AMOTL1: variants seen among roughly 807,000 people sequenced by gnomAD.
AMOTL1 encodes angiomotin like 1.
In AMOTL1, 45 loss-of-function variants were observed where a neutral mutation model predicts 102.9. That is an observed-to-expected ratio of 0.44 (90% CI 0.34 to 0.56). The LOEUF is 0.56. AMOTL1 is among the 20% of genes least tolerant of loss of function. The pLI, the probability that AMOTL1 is intolerant of heterozygous loss-of-function variation, is 0.01. For synonymous variants in AMOTL1, 481 were observed against 484.7 expected, an observed-to-expected ratio of 0.99 and a Z score of 0.10; for missense variants, 1,114 against 1,225.6, an observed-to-expected ratio of 0.91 and a Z score of 1.36.
At position 94,869,378 on chromosome 11, in the gene AMOTL1, T is replaced by C. The variant is rs776515471; in HGVS notation, c.2669T>C (p.Met890Thr). ...DKSAELFWPS[M>T]ASLPSRGRLS... ...AGTGCCGAGCTCTTCTGGCCCAGCA[T>C]GGCCTCCCTTCCCAGCCGCGGCCGG... Residue 890 changes from methionine to threonine, a missense_variant, in exon 12 of 13, where the codon ATG becomes ACG. Coordinates refer to ENST00000433060, the MANE Select transcript of AMOTL1 (RefSeq NM_130847.3). 1.9e-6 allele frequency: 3 copies of C among 1,608,422 alleles called. No homozygotes were observed. In the Admixed American group the frequency reaches 5.1e-5, roughly 27 times the overall value.
intron 1 of AMOTL1, among the ~76,000 whole-genome samples, chr11:94,787,472 G>A (rs999580026): frequency 8.6e-5 from 13 of 151,780 alleles, no homozygotes; most frequent in Non-Finnish European, 1.9e-4. Context: ...GGCGGATCAC[G>A]AGGTCAGGAG....
At chr11:94,825,138 A>T (rs1034312979) in intron 4 of AMOTL1, among the ~76,000 whole-genome samples, 1 of 152,026 alleles carries the variant, frequency 6.6e-6, no homozygotes, top group Non-Finnish European at 1.5e-5. Flanking sequence ...TTAATTAATG[A>T]TGGAGTTTCT....
chr11:94,746,616 C>G (rs940140589), intron 3 of AMOTL1, among the ~76,000 whole-genome samples: 1 of 152,166 alleles, frequency 6.6e-6, no homozygotes, highest in Non-Finnish European at 1.5e-5. Flanking sequence ...ACCCTAATCC[C>G]ATGTGTCATG....
rs1317488856 is a variant in AMOTL1 at position 94,799,151 on chromosome 11, G to A, written c.200-239G>A. ...GGAGATTAGAGAAAAGGGAGGGGTTGAAGGATGGAACAATGTTTAAGAGGA... is the reference window on the plus strand; with the variant it reads ...GGAGATTAGAGAAAAGGGAGGGGTTAAAGGATGGAACAATGTTTAAGAGGA... On this transcript the variant is annotated intron_variant, in intron 2 of 12. Coordinates refer to ENST00000433060, the MANE Select transcript of AMOTL1 (RefSeq NM_130847.3). The surrounding 1 kb of genome is among the most constrained non-coding windows in gnomAD (Gnocchi z 4.5). Among the ~76,000 whole-genome samples, 1 of 152,058 alleles carries A rather than the reference G, an allele frequency of 6.6e-6. No homozygotes were observed. The highest frequency in any genetic ancestry group is 6.5e-5 in the Admixed American group (1 of 15,272).
intron 3 of AMOTL1, among the ~76,000 whole-genome samples, chr11:94,815,817 T>G (rs1440074383): frequency 6.6e-6 from 1 of 152,054 alleles, no homozygotes; most frequent in African/African-American, 2.4e-5. Context: ...TATGGTAAAT[T>G]TTTTTCCTAG....
intron 1 of AMOTL1, among the ~76,000 whole-genome samples, chr11:94,727,029 G>C (rs192440640): frequency 2.0e-5 from 3 of 152,144 alleles, no homozygotes; most frequent in Admixed American, 2.0e-4. Context: ...ATGGATGTGA[G>C]AGCCTAACCT....
intron 3 of AMOTL1, among the ~76,000 whole-genome samples, chr11:94,756,794 T>C (rs1950730809): frequency 1.3e-5 from 2 of 152,200 alleles, no homozygotes; most frequent in South Asian, 2.1e-4. Flanking sequence ...GCTTTCTAGC[T>C]GAGAAACATT....
chr11:94,769,329 G>T (rs961219499), intron 1 of AMOTL1, among the ~76,000 whole-genome samples: 2 of 152,202 alleles, frequency 1.3e-5, no homozygotes, highest in Non-Finnish European at 2.9e-5. Context: ...CGAGCGGAAC[G>T]GTGGCCTAGT....
chr11:94,718,182 T>C (rs1950123591), intron 1 of AMOTL1, among the ~76,000 whole-genome samples: 1 of 151,952 alleles, frequency 6.6e-6, no homozygotes, highest in Non-Finnish European at 1.5e-5. Flanking sequence ...TGGAAAAAAA[T>C]TGGACCCTCT....
chr11:94,799,756 C>T lies in AMOTL1; in HGVS notation c.566C>T (p.Pro189Leu). The T allele has an allele frequency of 6.2e-7, 1 of 1,610,340 alleles. No homozygotes were observed. Among genetic ancestry groups the T allele is most frequent in the Middle Eastern group, 1.7e-4 (1 of 6,056 alleles). Residue 189 changes from proline (P) to leucine (L), a missense_variant, in exon 3 of 13, where the codon CCC becomes CTC. Coordinates refer to ENST00000433060, the MANE Select transcript of AMOTL1 (RefSeq NM_130847.3). This position sits in a 1 kb window ranked among gnomAD's most constrained non-coding sequence, Gnocchi z 4.5. ...TQPQQNNEEL[P>L]TYEEAKAQSQ... is the part of the protein sequence containing the mutation. ...CCTCAGCAGAACAACGAGGAACTGC[C>T]CACTTACGAGGAGGCCAAAGCACAG...
In AMOTL1 at chr11:94,789,688, G is replaced by A. The variant is rs113295322; in HGVS notation, c.50-5323G>A. Among the ~76,000 whole-genome samples the A allele has an allele frequency of 5.5e-3, 836 of 152,164 alleles. 5 individuals are homozygous for A. The highest frequency in any genetic ancestry group is 0.019 in the African/African-American group (791 of 41,486). On this transcript the variant is annotated intron_variant, in intron 1 of 12. Transcript: ENST00000433060. ...ATCCTTCTCCTTGAGCGGAGTATTC[G>A]GCTCCCTAGAAAAACCTCGAGTTCT...
intron 4 of AMOTL1, among the ~76,000 whole-genome samples, chr11:94,823,785 G>A (rs377614138): frequency 6.6e-6 from 1 of 150,404 alleles, no homozygotes; most frequent in African/African-American, 2.5e-5. Flanking sequence ...GCGCGATCTC[G>A]GCTCACTGCA....
At chr11:94,867,367 A>G (rs1952905158) in intron 11 of AMOTL1, among the ~76,000 whole-genome samples, 1 of 152,206 alleles carries the variant, frequency 6.6e-6, no homozygotes, top group Non-Finnish European at 1.5e-5. Context: ...GTGCTGAGCC[A>G]GGCCTGGTCA....
At chr11:94,846,479 C>T (rs1952413448) in intron 6 of AMOTL1, among the ~76,000 whole-genome samples, 1 of 152,240 alleles carries the variant, frequency 6.6e-6, no homozygotes, top group Admixed American at 6.5e-5. Context: ...GGTTTGTTTA[C>T]TACCTCAGTC....
At chr11:94,745,268 G>A (rs182782157) in intron 3 of AMOTL1, among the ~76,000 whole-genome samples, 319 of 139,480 alleles carry the variant, frequency 2.3e-3, no homozygotes, top group African/African-American at 7.9e-3. Flanking sequence ...CCCACGACAG[G>A]ACCCAGTGTG....
intron 2 of AMOTL1, among the ~76,000 whole-genome samples, chr11:94,734,590 A>T (rs959127874): frequency 1.3e-5 from 2 of 152,232 alleles, no homozygotes; most frequent in Non-Finnish European, 2.9e-5. Context: ...ATAACAGAAG[A>T]GAGTCATGCT....
chr11:94,765,794 CCTT>C (rs745607900), upstream of AMOTL1, among the ~76,000 whole-genome samples: 1 of 152,200 alleles, frequency 6.6e-6, no homozygotes, highest in Non-Finnish European at 1.5e-5. Context: ...TCTTCTCCCT[CCTT>C]CTTTCCCTGT....
At chr11:94,817,713 G>A (rs1951789696) in intron 3 of AMOTL1, among the ~76,000 whole-genome samples, 1 of 152,040 alleles carries the variant, frequency 6.6e-6, no homozygotes, top group Non-Finnish European at 1.5e-5. Context: ...ATCAGCTATA[G>A]GACTCTGACA....
At chr11:94,863,567 G>T (rs1414656686) in intron 9 of AMOTL1, among the ~76,000 whole-genome samples, 3 of 151,974 alleles carry the variant, frequency 2.0e-5, no homozygotes, top group Admixed American at 1.3e-4. Context: ...ACTCCAGTCT[G>T]GGCAACAAGA....
Sources: gnomAD v4.1 joint callset for allele counts (sites outside exome capture counted in the v4.1 genomes callset) on GRCh38, gnomAD v4.1.1 for gene constraint, Gnocchi (gnomAD v3.1) non-coding constraint, MANE v1.5 for transcripts, NCBI Gene and HGNC (gene_info 2026-07-23, HGNC 2026-07-21) for gene names.